The following EFR3B variants were observed in gnomAD, a reference collection of about 807,000 sequenced individuals.
EFR3B encodes EFR3 homolog B.
Under a neutral mutation model 104.7 loss-of-function variants are expected in EFR3B, and 64 were observed. That is an observed-to-expected ratio of 0.61 (90% CI 0.50 to 0.75). EFR3B has a LOEUF of 0.75. Ranked by LOEUF, EFR3B falls within the 30% of genes least tolerant of loss-of-function variation. The pLI is 0.00. For synonymous variants in EFR3B, 385 were observed against 417.9 expected (o/e 0.92, Z 0.96); for missense variants, 750 against 1,078.5 (o/e 0.70, Z 4.27).
chr2:25,100,524 A>C (rs1262276101), intron 3 of EFR3B, among the ~76,000 whole-genome samples: 1 of 150,764 alleles, frequency 6.6e-6, no homozygotes, highest in African/African-American at 2.4e-5. Flanking sequence ...ACGGAGTCTC[A>C]CTCTTTTGCC....
At chr2:25,044,604 C>T (rs1034643881) in intron 1 of EFR3B, among the ~76,000 whole-genome samples, 17 of 152,186 alleles carry the variant, frequency 1.1e-4, no homozygotes, top group Non-Finnish European at 1.5e-5. Flanking sequence ...CCTGACCTCC[C>T]CTGTGTGTCC....
chr2:25,053,559 C>G (rs187415388), intron 1 of EFR3B, among the ~76,000 whole-genome samples: 11 of 152,246 alleles, frequency 7.2e-5, no homozygotes, highest in Admixed American at 3.9e-4. Context: ...AAACCAGGAG[C>G]CTGGCATTGC....
intron 1 of EFR3B, among the ~76,000 whole-genome samples, chr2:25,066,115 C>A (rs1338111945): frequency 6.6e-6 from 1 of 152,024 alleles, no homozygotes; most frequent in South Asian, 2.1e-4. Context: ...GATATCCCCC[C>A]ACCTCCCCAC....
rs1207008692 is a variant in EFR3B, at chr2:25,132,925, C to T, written c.1170C>T (p.Pro390=). 1.3e-6 allele frequency: 2 copies of T among 1,551,176 alleles called. No individual in the cohort carries two copies. Among genetic ancestry groups the T allele is most frequent in the Admixed American group, 2.0e-5 (1 of 50,986 alleles). ...CAGGCTCCTTTGCCAGCACGCTGCC[C>T]ACCTACCAGCGCTCCGAGGTGATCC... ...KTVGSFASTL[P]TYQRSEVILF... is the part of the protein sequence containing the mutation. The change falls in exon 11 of 23, where the codon CCC becomes CCT. Residue 390 remains proline, a synonymous_variant. Transcript: ENST00000403714.
intron 1 of EFR3B, among the ~76,000 whole-genome samples, chr2:25,063,894 C>T (rs547633520): frequency 1.3e-5 from 2 of 152,312 alleles, no homozygotes; most frequent in South Asian, 4.1e-4. Flanking sequence ...CCATCTGCTC[C>T]TGGCTTCTTG....
chr2:25,131,775 C>T lies in EFR3B; in HGVS notation c.1011C>T (p.Asn337=). The T allele has an allele frequency of 6.5e-7, 1 of 1,537,236 alleles. No individual in the cohort carries two copies. Among genetic ancestry groups the T allele is most frequent in the Non-Finnish European group, 8.8e-7 (1 of 1,140,306 alleles). The part of the protein sequence containing the change: ...SVGPTVLEMF[N]TLLRQLRLSI... ...GGCCCACAGTACTGGAGATGTTCAACACGCTGCTGAGGCAGCTGCGGCTCA... is the reference window on the plus strand; with the variant it reads ...GGCCCACAGTACTGGAGATGTTCAATACGCTGCTGAGGCAGCTGCGGCTCA... Residue 337 remains asparagine, a synonymous_variant, in exon 10 of 23, where the codon AAC becomes AAT. Transcript: ENST00000403714. This position sits in a 1 kb window ranked among gnomAD's most constrained non-coding sequence, Gnocchi z 7.6.
intron 5 of EFR3B, among the ~76,000 whole-genome samples, chr2:25,125,199 G>A (rs1055257951): frequency 2.6e-5 from 4 of 152,230 alleles, no homozygotes; most frequent in Non-Finnish European, 5.9e-5. Flanking sequence ...GGATTCTGGG[G>A]AGACTGAAGG....
intron 4 of EFR3B, among the ~76,000 whole-genome samples, chr2:25,108,188 T>C (rs1410679702): frequency 6.6e-6 from 1 of 152,110 alleles, no homozygotes; most frequent in Non-Finnish European, 1.5e-5. Flanking sequence ...CTTTGGATCA[T>C]GATGAGGGAC....
chr2:25,051,681 G>C (rs1330945198), intron 1 of EFR3B, among the ~76,000 whole-genome samples: 1 of 148,212 alleles, frequency 6.7e-6, no homozygotes, highest in African/African-American at 2.5e-5. Context: ...TGTCGCCCAG[G>C]CTGGAGCTCA....
intron 1 of EFR3B, among the ~76,000 whole-genome samples, chr2:25,057,262 A>T (rs1297269560): frequency 6.6e-6 from 1 of 152,116 alleles, no homozygotes; most frequent in African/African-American, 2.4e-5. Flanking sequence ...TGTCCCTTTC[A>T]AGTGCTGGTG....
intron 1 of EFR3B, among the ~76,000 whole-genome samples, chr2:25,059,918 G>A (rs1042818289): frequency 2.7e-5 from 4 of 149,852 alleles, no homozygotes; most frequent in South Asian, 2.1e-4. Flanking sequence ...AATGGGCCAG[G>A]TGCAGTGGCT....
chr2:25,047,878 C>T (rs979837273), intron 1 of EFR3B, among the ~76,000 whole-genome samples: 4 of 152,014 alleles, frequency 2.6e-5, no homozygotes, highest in Admixed American at 6.6e-5. Flanking sequence ...ACTGTGATAC[C>T]GTTCCTTCTA....
intron 1 of EFR3B, among the ~76,000 whole-genome samples, chr2:25,053,047 C>T (rs948143983): frequency 5.3e-5 from 8 of 152,238 alleles, no homozygotes; most frequent in African/African-American, 1.9e-4. Context: ...CCTCCTATCA[C>T]ACTGTCCCTA....
intron 17 of EFR3B, among the ~76,000 whole-genome samples, chr2:25,142,944 T>TAA (rs767559729): frequency 1.1e-4 from 12 of 109,250 alleles, no homozygotes; most frequent in African/African-American, 2.8e-4. Flanking sequence ...ACCCTGTCTT[T>TAA]AAAAAAAAAA....
chr2:25,131,465 T>A lies in EFR3B; in HGVS notation c.947T>A (p.Leu316Ter). Residue 316 changes from leucine (L) to a stop codon, truncating the protein, a stop_gained, in exon 9 of 23, where the codon TTG (leucine) becomes TAG (stop). Transcript: ENST00000403714. LOFTEE classifies it high-confidence loss of function. The surrounding 1 kb of genome is among the most constrained non-coding windows in gnomAD (Gnocchi z 7.6). Reference sequence around the variant, plus strand: ...GTGCGCGCGGGCATCGTGGAAGTCTTGTCGGAAGCCGCGGTCATCGCTGCC... The same window carrying A: ...GTGCGCGCGGGCATCGTGGAAGTCTAGTCGGAAGCCGCGGTCATCGCTGCC... Reference protein sequence around the residue: ...ATVRAGIVEVLSEAAVIAATG... With the variant: ...ATVRAGIVEV The A allele has an allele frequency of 6.4e-7, 1 of 1,550,444 alleles. No individual in the cohort carries two copies. The highest frequency in any genetic ancestry group is 8.7e-7 in the Non-Finnish European group (1 of 1,146,824).
At chr2:25,132,849 G>C in intron 10 of EFR3B, 54 bp from the exon 11 acceptor site, 10 of 1,448,450 alleles carry the variant, frequency 6.9e-6, no homozygotes, top group Admixed American at 4.0e-5. Flanking sequence ...GCTGAACCAG[G>C]AGGGGCCCTG....
chr2:25,129,885 T>G, intron 6 of EFR3B, 90 bp from the exon 7 acceptor site: 3 of 1,482,910 alleles, frequency 2.0e-6, no homozygotes, highest in Non-Finnish European at 2.7e-6. Flanking sequence ...CTGCTTGTCT[T>G]GTGTGGATGA....
intron 1 of EFR3B, among the ~76,000 whole-genome samples, chr2:25,045,039 C>CT (rs1667678527): frequency 1.3e-5 from 2 of 152,226 alleles, no homozygotes; most frequent in East Asian, 3.8e-4. Context: ...AAACGCATGT[C>CT]TGTCTACCTT....
chr2:25,123,110 C>G (rs1043179950), intron 5 of EFR3B, among the ~76,000 whole-genome samples: 1 of 152,152 alleles, frequency 6.6e-6, no homozygotes, highest in Non-Finnish European at 1.5e-5. Flanking sequence ...TGTCTGTAAT[C>G]TCAGTACTTT....
Sources: gnomAD v4.1 joint callset for allele counts (sites outside exome capture counted in the v4.1 genomes callset) on GRCh38, gnomAD v4.1.1 for gene constraint, Gnocchi (gnomAD v3.1) non-coding constraint, MANE v1.5 for transcripts, NCBI Gene and HGNC (gene_info 2026-07-23, HGNC 2026-07-21) for gene names.